Variants in AGBL4 observed in about 807,000 individuals in gnomAD.
AGBL4 encodes the protein AGBL carboxypeptidase 4.
A neutral mutation model predicts 66.4 loss-of-function variants in AGBL4; 58 were observed. The ratio of observed to expected loss-of-function variants is 0.87; its 90% CI spans 0.71 to 1.09. The LOEUF (loss-of-function observed/expected upper bound fraction) is 1.09. Among genes scored for constraint, AGBL4 ranks in the 50% least tolerant of loss-of-function variants. The pLI is 0.00. For missense variants in AGBL4, 579 were observed against 631.0 expected (o/e 0.92, Z 0.88); for synonymous variants, 234 against 222.9 (o/e 1.05, Z -0.44).
chr1:48,707,599 C>G (rs758986330), intron 6 of AGBL4, among the ~76,000 whole-genome samples: 8 of 152,200 alleles, frequency 5.3e-5, no homozygotes, highest in Non-Finnish European at 1.2e-4. Context: ...GTGACAAAGA[C>G]TAATCTTCAG....
chr1:48,610,497 C>T (rs902891923), intron 9 of AGBL4, among the ~76,000 whole-genome samples: 2 of 152,106 alleles, frequency 1.3e-5, no homozygotes, highest in African/African-American at 4.8e-5. Context: ...ATGACTGAAA[C>T]CTGTTTTACA....
At chr1:49,247,517 A>T (rs932323191) in intron 3 of AGBL4, among the ~76,000 whole-genome samples, 1 of 152,114 alleles carries the variant, frequency 6.6e-6, no homozygotes, top group Non-Finnish European at 1.5e-5. Flanking sequence ...CTTGGCTAGT[A>T]TCTGATTTAA....
rs989496843 is a variant in AGBL4 at position 48,999,694 on chromosome 1, C to G, written c.594+45890G>C. On this transcript the variant is annotated intron_variant, in intron 5 of 13. Transcript: ENST00000371839. The stretch of plus-strand genomic sequence containing the variant: ...GGGTCTCTACAATTGGGTGGGAGTG[C>G]CACTCCCACCCAATCCATATTCCAC... 2.0e-5 allele frequency among the ~76,000 whole-genome samples: 3 copies of G among 152,004 alleles called. No homozygotes were observed. In the East Asian group the frequency reaches 5.8e-4, roughly 29 times the overall value.
chr1:49,416,200 A>C (rs1645423230), intron 3 of AGBL4, among the ~76,000 whole-genome samples: 1 of 152,150 alleles, frequency 6.6e-6, no homozygotes, highest in South Asian at 2.1e-4. Context: ...AAGAGTTAAA[A>C]ATTGATCCAG....
intron 3 of AGBL4, among the ~76,000 whole-genome samples, chr1:49,442,911 T>C (rs1344862147): frequency 1.3e-5 from 2 of 152,254 alleles, no homozygotes; most frequent in East Asian, 1.9e-4. Flanking sequence ...TGTATAAAAG[T>C]TCCCTTTTCT....
chr1:50,017,897 A>G (rs1219714281), intron 1 of AGBL4, among the ~76,000 whole-genome samples: 1 of 152,180 alleles, frequency 6.6e-6, no homozygotes, highest in Non-Finnish European at 1.5e-5. Context: ...AAAAGTTGAA[A>G]TGGAATAAAA....
intron 2 of AGBL4, among the ~76,000 whole-genome samples, chr1:49,827,281 T>C (rs931983000): frequency 2.0e-5 from 3 of 152,010 alleles, no homozygotes; most frequent in South Asian, 2.1e-4. Context: ...AATAAAAAAA[T>C]CAGTTAAAAA....
Position 49,021,494 on chromosome 1 carries a change from G to A in AGBL4, c.594+24090C>T, listed in dbSNP as rs182330506. 2.0e-3 allele frequency among the ~76,000 whole-genome samples: 303 copies of A among 152,162 alleles called. 2 individuals carry two copies. The highest frequency in any genetic ancestry group is 7.1e-3 in the African/African-American group (293 of 41,526). On this transcript the variant is annotated intron_variant, in intron 5 of 13. Transcript: ENST00000371839. ...ATGAATGGGATTAGTGCCTTTAAAA[G>A]GAACCAAAAAGACTAGAGTTCTCTC...
At chr1:49,528,974 T>C (rs1208346012) in intron 3 of AGBL4, among the ~76,000 whole-genome samples, 1 of 152,126 alleles carries the variant, frequency 6.6e-6, no homozygotes, top group East Asian at 1.9e-4. Flanking sequence ...AGCTCTAGAA[T>C]ATGAACTTAA....
At chr1:48,997,123 A>T (rs532450703) in intron 5 of AGBL4, among the ~76,000 whole-genome samples, 3 of 152,030 alleles carry the variant, frequency 2.0e-5, no homozygotes, top group Non-Finnish European at 2.9e-5. Flanking sequence ...GGGTTTCATC[A>T]TGTTGGCCAG....
intron 5 of AGBL4, among the ~76,000 whole-genome samples, chr1:48,926,150 C>A (rs1654541020): frequency 6.6e-6 from 1 of 152,136 alleles, no homozygotes. Flanking sequence ...ACATTATATG[C>A]AGAAGAAGAC....
chr1:49,551,689 G>A (rs1652966747), intron 3 of AGBL4, among the ~76,000 whole-genome samples: 1 of 152,212 alleles, frequency 6.6e-6, no homozygotes, highest in Non-Finnish European at 1.5e-5. Flanking sequence ...ACCTGTTCCA[G>A]TGGAGGTGAT....
At chr1:48,767,625 T>C (rs1334233677) in intron 6 of AGBL4, among the ~76,000 whole-genome samples, 2 of 152,214 alleles carry the variant, frequency 1.3e-5, no homozygotes, top group African/African-American at 4.8e-5. Flanking sequence ...CTTTGGGATA[T>C]GCTTCTGGCT....
Position 49,685,048 on chromosome 1 carries a change from C to T in AGBL4, c.282+12265G>A, listed in dbSNP as rs537976081. ...ACTCAATGGGTAGTTTTTTGAACCT[C>T]ACCCTCCTCCCACCTTCCACCTTCA... On this transcript the variant is annotated intron_variant, in intron 3 of 13. Transcript: ENST00000371839. 4.6e-5 allele frequency among the ~76,000 whole-genome samples: 7 copies of T among 152,226 alleles called. No individual in the cohort carries two copies. The East Asian group carries it at 1.2e-3, about 25-fold the overall frequency.
intron 3 of AGBL4, among the ~76,000 whole-genome samples, chr1:49,574,340 A>T (rs1487569750): frequency 6.6e-6 from 1 of 152,120 alleles, no homozygotes; most frequent in Non-Finnish European, 1.5e-5. Context: ...AGTTAAAAAG[A>T]GGTTCTAACA....
chr1:49,979,776 C>T (rs141559884), intron 1 of AGBL4, among the ~76,000 whole-genome samples: 87 of 152,236 alleles, frequency 5.7e-4, no homozygotes, highest in Non-Finnish European at 9.6e-4. Context: ...CTTTGAATAA[C>T]AACACAGGAC....
At chr1:48,731,089 A>T (rs1240436949) in intron 6 of AGBL4, among the ~76,000 whole-genome samples, 3 of 152,218 alleles carry the variant, frequency 2.0e-5, no homozygotes, top group Admixed American at 2.0e-4. Flanking sequence ...CTATTTTTTT[A>T]TATGGCAAAT....
intron 3 of AGBL4, among the ~76,000 whole-genome samples, chr1:49,288,116 A>T (rs1456628697): frequency 6.9e-6 from 1 of 143,950 alleles, no homozygotes; most frequent in African/African-American, 2.6e-5. Flanking sequence ...TCGCAAGAAC[A>T]AAAAACCAAA....
intron 5 of AGBL4, among the ~76,000 whole-genome samples, chr1:49,003,663 C>T (rs1408246281): frequency 6.6e-6 from 1 of 152,092 alleles, no homozygotes; most frequent in South Asian, 2.1e-4. Flanking sequence ...CCTTTCCTCA[C>T]AGTTACTCGT....
Sources: gnomAD v4.1 joint callset for allele counts (sites outside exome capture counted in the v4.1 genomes callset) on GRCh38, gnomAD v4.1.1 for gene constraint, MANE v1.5 for transcripts, NCBI Gene and HGNC (gene_info 2026-07-23, HGNC 2026-07-21) for gene names.